The following PHC3 variants were observed in gnomAD, a reference collection of about 807,000 sequenced individuals.
PHC3 encodes polyhomeotic homolog 3.
Under a neutral mutation model 107.4 loss-of-function variants are expected in PHC3, and 13 were observed. That is an observed-to-expected ratio of 0.12 (90% confidence interval 0.08 to 0.19). The LOEUF (loss-of-function observed/expected upper bound fraction) is 0.19, where lower values mean the gene tolerates loss of function less well. Ranked by LOEUF, PHC3 falls within the 10% of genes least tolerant of loss-of-function variation. The pLI is 1.00. For synonymous variants in PHC3, 456 were observed against 427.4 expected (o/e 1.07, Z -0.83); for missense variants, 992 against 1,210.9 (o/e 0.82, Z 2.68).
At chr3:170,170,903 T>C (rs1331882065) in intron 4 of PHC3, 1 of 155,562 alleles carries the variant, frequency 6.4e-6, no homozygotes, top group African/African-American at 2.4e-5. Flanking sequence ...TTTCTCAAAA[T>C]AAATTACCCT....
intron 7 of PHC3, among the ~76,000 whole-genome samples, chr3:170,131,877 A>G (rs1393991220): frequency 6.6e-6 from 1 of 152,186 alleles, no homozygotes; most frequent in Non-Finnish European, 1.5e-5. Flanking sequence ...TCTGGTAAGT[A>G]AGCAATCTTT....
chr3:170,166,888 C>T (rs1728823445), intron 4 of PHC3, among the ~76,000 whole-genome samples: 1 of 152,074 alleles, frequency 6.6e-6, no homozygotes, highest in Non-Finnish European at 1.5e-5. Context: ...CTGCTAGACT[C>T]AAGTGATCCC....
At position 170,122,706 on chromosome 3, in the gene PHC3, T is replaced by G; in HGVS notation, c.1827A>C (p.Pro609=). 2 of 1,614,008 alleles carry G rather than the reference T, an allele frequency of 1.2e-6. No homozygotes were observed. The highest frequency in any genetic ancestry group is 1.7e-6 in the Non-Finnish European group (2 of 1,179,882). The change falls in exon 9 of 15, where the codon CCA becomes CCC. Residue 609 remains proline, a synonymous_variant. Transcript: ENST00000495893. ...TCCGGACACATTCATCTGACTCTTCTGGCATTTCTTCTTCACACACATCTT... is the reference window on the plus strand; with the variant it reads ...TCCGGACACATTCATCTGACTCTTCGGGCATTTCTTCTTCACACACATCTT... ...QVEDVCEEEM[P]EESDECVRMD...
At chr3:170,169,869 C>T (rs1729320693) in intron 4 of PHC3, 1 of 152,192 alleles carries the variant, frequency 6.6e-6, no homozygotes, top group Admixed American at 6.5e-5. Context: ...ATATTTACCA[C>T]TCCTTTCCTT....
rs983968310 is a variant in PHC3, at chr3:170,128,927, T to A, written c.1545A>T (p.Pro515=). ...GAGCTGGAGGAGATGTCGACATCTG[T>A]GGAGGACTTGCAATTGGGATTGGAG... The part of the protein sequence containing the change: ...QSSPIPIASP[P]QMSTSPPAQI... Residue 515 remains proline, a synonymous_variant, in exon 8 of 15, where the codon CCA becomes CCT. Coordinates refer to ENST00000495893, the MANE Select transcript of PHC3 (RefSeq NM_024947.4). The A allele has an allele frequency of 6.2e-7, 1 of 1,613,896 alleles. No homozygotes were observed. The highest frequency in any genetic ancestry group is 8.5e-7 in the Non-Finnish European group (1 of 1,179,838).
At chr3:170,130,091 C>T (rs904768808) in intron 7 of PHC3, among the ~76,000 whole-genome samples, 1 of 152,168 alleles carries the variant, frequency 6.6e-6, no homozygotes, top group East Asian at 1.9e-4. Flanking sequence ...CTGCCTAAAA[C>T]TTAATAATCT....
chr3:170,171,119 A>G (rs1414047192), intron 4 of PHC3: 6 of 502,186 alleles, frequency 1.2e-5, no homozygotes, highest in African/African-American at 8.0e-5. Context: ...CTGAAACCAC[A>G]TAAGATCTGA....
rs538957983 is a variant in PHC3 at position 170,178,729 on chromosome 3, T to C, written c.180+44A>G. On this transcript the variant is annotated intron_variant, in intron 2 of 14. Transcript: ENST00000495893. ...AATCCAGCTTAAGCAAAAAGTAATA[T>C]GACATCTTAAGTCTTAGACTACCCA... is the stretch of plus-strand genomic sequence containing the variant. 587 of 1,592,314 alleles carry C rather than the reference T, an allele frequency of 3.7e-4. 5 individuals carry two copies. In the South Asian group the frequency reaches 6.2e-3, roughly 17 times the overall value.
At position 170,094,084 on chromosome 3, in the gene PHC3, T is replaced by C. The variant is rs926257258; in HGVS notation, c.*3146A>G. 1 of 152,090 alleles carries C rather than the reference T, an allele frequency of 6.6e-6. No individual in the cohort carries two copies. Among genetic ancestry groups the C allele is most frequent in the African/African-American group, 2.4e-5 (1 of 41,404 alleles). 9.4% of individuals were successfully genotyped at this position (152,090 alleles called of 1,614,324 possible). ...AGGTGACTGCTCTTAAAACACACCT[T>C]TTAAAAAGTTCTGTTTAGAGCATTC... On this transcript the variant is annotated 3_prime_UTR_variant, in exon 15 of 15. Coordinates refer to ENST00000495893, the MANE Select transcript of PHC3 (RefSeq NM_024947.4).
chr3:170,122,068 C>A (rs951477388), intron 9 of PHC3, among the ~76,000 whole-genome samples: 1 of 151,964 alleles, frequency 6.6e-6, no homozygotes, highest in Non-Finnish European at 1.5e-5. Flanking sequence ...GCCTGGGCAA[C>A]GGGATGAGAC....
At chr3:170,159,077 G>A (rs893342021) in intron 4 of PHC3, among the ~76,000 whole-genome samples, 3 of 151,728 alleles carry the variant, frequency 2.0e-5, no homozygotes, top group South Asian at 2.1e-4. Flanking sequence ...TGGTGAAACC[G>A]CGTATCCACT....
intron 7 of PHC3, among the ~76,000 whole-genome samples, chr3:170,133,234 A>G (rs1034313171): frequency 2.7e-5 from 4 of 150,240 alleles, no homozygotes; most frequent in African/African-American, 9.8e-5. Flanking sequence ...GCAGGAGTGC[A>G]GTGGTGTGAT....
At chr3:170,155,499 T>C (rs1322662631) in intron 4 of PHC3, among the ~76,000 whole-genome samples, 10 of 152,194 alleles carry the variant, frequency 6.6e-5, no homozygotes, top group African/African-American at 2.4e-4. Context: ...GACAGGTGGA[T>C]AGCTTGAGCT....
intron 7 of PHC3, among the ~76,000 whole-genome samples, chr3:170,130,836 T>A (rs1046058289): frequency 1.3e-5 from 2 of 152,220 alleles, no homozygotes; most frequent in East Asian, 3.9e-4. Context: ...CACAAGAAGA[T>A]AAACTGAAAC....
At chr3:170,154,383 T>C (rs1726547252) in intron 4 of PHC3, among the ~76,000 whole-genome samples, 1 of 152,230 alleles carries the variant, frequency 6.6e-6, no homozygotes, top group African/African-American at 2.4e-5. Flanking sequence ...AATATCCTGA[T>C]AGCTCTCTAG....
chr3:170,178,001 C>T (rs943430124), intron 2 of PHC3, among the ~76,000 whole-genome samples: 7 of 152,146 alleles, frequency 4.6e-5, no homozygotes, highest in Non-Finnish European at 1.0e-4. Flanking sequence ...ACTTTGTTGG[C>T]TGTTGCTGTG....
Position 170,167,531 on chromosome 3 carries a change from G to A in PHC3, c.414+3842C>T, listed in dbSNP as rs531823141. Among the ~76,000 whole-genome samples, 7 of 152,264 alleles carry A rather than the reference G, an allele frequency of 4.6e-5. No individual in the cohort carries two copies. In the East Asian group the frequency reaches 9.6e-4, roughly 21 times the overall value. ...TCCCAGCACTTTGGGAGGCCAAGGC[G>A]GGCAGATCACTTCAGGTCAGGAGTT... On this transcript the variant is annotated intron_variant, in intron 4 of 14. Coordinates refer to ENST00000495893, the MANE Select transcript of PHC3 (RefSeq NM_024947.4).
intron 7 of PHC3, among the ~76,000 whole-genome samples, chr3:170,131,392 G>A (rs756786065): frequency 2.8e-4 from 43 of 152,112 alleles, no homozygotes; most frequent in Non-Finnish European, 5.7e-4. Context: ...AATGCCTGTG[G>A]TATAGGTGGG....
At chr3:170,146,389 A>G (rs762097256) in intron 5 of PHC3, among the ~76,000 whole-genome samples, 3 of 151,334 alleles carry the variant, frequency 2.0e-5, no homozygotes, top group Non-Finnish European at 4.4e-5. Flanking sequence ...AAAAAAAAAG[A>G]AAAGAAAGAA....
Sources: gnomAD v4.1 joint callset for allele counts (sites outside exome capture counted in the v4.1 genomes callset) on GRCh38, gnomAD v4.1.1 for gene constraint, MANE v1.5 for transcripts, NCBI Gene and HGNC (gene_info 2026-07-23, HGNC 2026-07-21) for gene names.